Variants in GRIA2 observed in about 807,000 individuals in gnomAD.
The protein encoded by GRIA2 is glutamate ionotropic receptor AMPA type subunit 2, also known as glutamate receptor 2.
In GRIA2, 14 loss-of-function variants were observed where a neutral mutation model predicts 97.3. That is an observed-to-expected ratio of 0.14 (90% CI 0.10 to 0.23). GRIA2 has a LOEUF of 0.23. Ranked by LOEUF, GRIA2 falls within the 10% of genes least tolerant of loss-of-function variation. The probability of loss-of-function intolerance (pLI) is 1.00; values close to 1 mark genes in which losing one functional copy is unlikely to be tolerated. For synonymous variants in GRIA2, 412 were observed against 387.8 expected (o/e 1.06, Z -0.73); for missense variants, 558 against 1,069.8 (o/e 0.52, Z 6.67).
intron 2 of GRIA2, among the ~76,000 whole-genome samples, chr4:157,270,555 T>C (rs1731972462): frequency 6.6e-6 from 1 of 152,130 alleles, no homozygotes; most frequent in Non-Finnish European, 1.5e-5. Flanking sequence ...TTTAAATCTT[T>C]TCTGACCACT....
chr4:157,349,866 A>C (rs1735929282), intron 12 of GRIA2, among the ~76,000 whole-genome samples: 1 of 151,836 alleles, frequency 6.6e-6, no homozygotes, highest in African/African-American at 2.4e-5. Flanking sequence ...TTAAAAGCCA[A>C]CTCTCACATT....
chr4:157,357,656 G>C (rs2126993516), intron 12 of GRIA2, among the ~76,000 whole-genome samples: 1 of 152,082 alleles, frequency 6.6e-6, no homozygotes, highest in East Asian at 1.9e-4. Flanking sequence ...ATGACTAACA[G>C]AACTTGTATG....
At chr4:157,269,181 A>G (rs1731904872) in intron 2 of GRIA2, among the ~76,000 whole-genome samples, 1 of 152,020 alleles carries the variant, frequency 6.6e-6, no homozygotes, top group Admixed American at 6.6e-5. Context: ...TGCCACATGG[A>G]AAAGAAGATG....
chr4:157,317,496 T>C (rs914888806), intron 4 of GRIA2, among the ~76,000 whole-genome samples, 162 bp from the exon 5 acceptor site: 11 of 152,176 alleles, frequency 7.2e-5, no homozygotes, highest in Non-Finnish European at 1.5e-4. Context: ...AAATATTATC[T>C]AATTTTGATA....
intron 12 of GRIA2, among the ~76,000 whole-genome samples, chr4:157,353,320 C>T (rs1285940533): frequency 1.3e-5 from 2 of 151,350 alleles, no homozygotes; most frequent in Non-Finnish European, 2.9e-5. Flanking sequence ...CCATTGCACT[C>T]CAGTCTGGGC....
At chr4:157,311,909 T>A (rs1734097095) in intron 3 of GRIA2, among the ~76,000 whole-genome samples, 1 of 151,932 alleles carries the variant, frequency 6.6e-6, no homozygotes, top group African/African-American at 2.4e-5. Flanking sequence ...GTCCTAAATA[T>A]GAGGTAATAT....
chr4:157,304,867 G>A (rs1389040942), intron 3 of GRIA2, among the ~76,000 whole-genome samples: 1 of 152,104 alleles, frequency 6.6e-6, no homozygotes, highest in Non-Finnish European at 1.5e-5. Flanking sequence ...AGTCAGGAGT[G>A]CAGGAGCTAG....
At chr4:157,226,991 C>T (rs1285446188) in intron 2 of GRIA2, among the ~76,000 whole-genome samples, 1 of 152,080 alleles carries the variant, frequency 6.6e-6, no homozygotes, top group East Asian at 1.9e-4. Flanking sequence ...TCATACTTCA[C>T]TTATCACTGA....
chr4:157,258,792 T>G (rs1222484674), intron 2 of GRIA2, among the ~76,000 whole-genome samples: 2 of 152,114 alleles, frequency 1.3e-5, no homozygotes, highest in Non-Finnish European at 2.9e-5. Flanking sequence ...ACTCTTTCCC[T>G]TTATTTCTCA....
At chr4:157,241,874 G>A (rs1730528089) in intron 2 of GRIA2, among the ~76,000 whole-genome samples, 1 of 152,104 alleles carries the variant, frequency 6.6e-6, no homozygotes, top group Admixed American at 6.6e-5. Context: ...GTAACACTGA[G>A]CATTAGAATA....
At chr4:157,318,855 C>T (rs2126899402) in intron 5 of GRIA2, among the ~76,000 whole-genome samples, 1 of 152,184 alleles carries the variant, frequency 6.6e-6, no homozygotes, top group Non-Finnish European at 1.5e-5. Flanking sequence ...TTGACATATA[C>T]AAATTTAATG....
intron 4 of GRIA2, among the ~76,000 whole-genome samples, chr4:157,314,376 T>C (rs1734220502): frequency 6.6e-6 from 1 of 152,210 alleles, no homozygotes; most frequent in Admixed American, 6.5e-5. Context: ...CATGGAATAT[T>C]GAATAACTGA....
At chr4:157,323,061 C>A (rs1404080943) in intron 6 of GRIA2, among the ~76,000 whole-genome samples, 1 of 151,982 alleles carries the variant, frequency 6.6e-6, no homozygotes, top group African/African-American at 2.4e-5. Context: ...TGTGGCCGGG[C>A]GCAGTGGCTC....
chr4:157,255,576 TTG>T (rs1267081811), intron 2 of GRIA2, among the ~76,000 whole-genome samples: 1 of 151,980 alleles, frequency 6.6e-6, no homozygotes, highest in Non-Finnish European at 1.5e-5. Context: ...CTGTTGTTTT[TTG>T]TCTTTTTAAT....
intron 11 of GRIA2, among the ~76,000 whole-genome samples, chr4:157,337,215 ATAT>A (rs1336064513): frequency 6.6e-6 from 1 of 151,980 alleles, no homozygotes; most frequent in Non-Finnish European, 1.5e-5. Flanking sequence ...TATGGGAGAG[ATAT>A]TATAAAATTT....
At chr4:157,354,108 G>T (rs747836000) in intron 12 of GRIA2, among the ~76,000 whole-genome samples, 1 of 152,100 alleles carries the variant, frequency 6.6e-6, no homozygotes, top group Non-Finnish European at 1.5e-5. Flanking sequence ...TCCAAAAACT[G>T]AAACATGACA....
intron 2 of GRIA2, among the ~76,000 whole-genome samples, chr4:157,228,614 G>A (rs564614577): frequency 7.6e-4 from 115 of 151,990 alleles, no homozygotes; most frequent in African/African-American, 2.7e-3. Flanking sequence ...CCAACATGGC[G>A]AAATCTTGTC....
chr4:157,354,297 G>A (rs1304391377), intron 12 of GRIA2, among the ~76,000 whole-genome samples: 1 of 152,142 alleles, frequency 6.6e-6, no homozygotes, highest in East Asian at 1.9e-4. Flanking sequence ...GAAGTAGTAA[G>A]TCAATGGAAT....
intron 2 of GRIA2, among the ~76,000 whole-genome samples, chr4:157,303,009 T>C (rs1481287806): frequency 6.6e-6 from 1 of 152,212 alleles, no homozygotes; most frequent in Non-Finnish European, 1.5e-5. Flanking sequence ...AGTGACACAA[T>C]ATGACAGAAG....
Sources: gnomAD v4.1 joint callset for allele counts (sites outside exome capture counted in the v4.1 genomes callset) on GRCh38, gnomAD v4.1.1 for gene constraint, MANE v1.5 for transcripts, NCBI Gene and HGNC (gene_info 2026-07-23, HGNC 2026-07-21) for gene names.